The following CTR9 variants were observed in gnomAD, a reference collection of about 807,000 sequenced individuals.
CTR9 encodes CTR9 component of Paf1/RNA polymerase II complex, also known as RNA polymerase-associated protein CTR9 homolog.
CTR9 carries 41 observed loss-of-function variants against 152.1 expected under a neutral mutation model. The ratio of observed to expected loss-of-function variants is 0.27; its 90% CI spans 0.21 to 0.35. The LOEUF (loss-of-function observed/expected upper bound fraction) is 0.35. Ranked by LOEUF, CTR9 falls within the 10% of genes least tolerant of loss-of-function variation. The probability of loss-of-function intolerance (pLI) is 1.00; values close to 1 mark genes in which losing one functional copy is unlikely to be tolerated. For missense variants in CTR9, 917 were observed against 1,424.4 expected (o/e 0.64, Z 5.73); for synonymous variants, 476 against 496.2 (o/e 0.96, Z 0.54).
chr11:10,758,155 T>G (rs1449276585), intron 5 of CTR9, among the ~76,000 whole-genome samples: 1 of 152,124 alleles, frequency 6.6e-6, no homozygotes, highest in Non-Finnish European at 1.5e-5. Flanking sequence ...GCATCACAGA[T>G]TATTGTAAGG....
intron 16 of CTR9, among the ~76,000 whole-genome samples, 178 bp from the exon 17 acceptor site, chr11:10,770,032 T>C (rs1863118915): frequency 6.6e-6 from 1 of 152,250 alleles, no homozygotes; most frequent in Admixed American, 6.5e-5. Flanking sequence ...TTTTATGTTG[T>C]GAAAATGTAT....
chr11:10,778,624 C>T (rs558504248), intron 24 of CTR9, 55 bp from the exon 25 acceptor site: 16 of 1,535,832 alleles, frequency 1.0e-5, no homozygotes, highest in Non-Finnish European at 1.4e-5. Context: ...GTCTGCTCAT[C>T]AAGGCCCCAG....
Position 10,779,330 on chromosome 11 carries a change from C to T in CTR9, c.*225C>T. 2.1e-6 allele frequency: 1 copy of T among 482,788 alleles called. No individual in the cohort carries two copies. The highest frequency in any genetic ancestry group is 2.9e-5 in the South Asian group (1 of 34,142). 29.9% of individuals were successfully genotyped at this position (482,788 alleles called of 1,614,324 possible). On this transcript the variant is annotated 3_prime_UTR_variant, in exon 25 of 25. Transcript: ENST00000361367. The stretch of plus-strand genomic sequence containing the variant: ...GACTATTCTTTGTGGTACAATTCCA[C>T]CTATCATATGTGAAAACTGCAGTAA...
chr11:10,757,039 G>A (rs1368893227), intron 5 of CTR9, among the ~76,000 whole-genome samples: 1 of 152,160 alleles, frequency 6.6e-6, no homozygotes, highest in Non-Finnish European at 1.5e-5. Flanking sequence ...AATAATCCCA[G>A]CACTTTGGTA....
chr11:10,754,937 A>G (rs752896174), intron 2 of CTR9, 21 bp from the exon 3 acceptor site: 49 of 1,605,598 alleles, frequency 3.1e-5, no homozygotes, highest in Non-Finnish European at 1.8e-5. Flanking sequence ...AGTGATTCTA[A>G]TTTGTTTCAT....
intron 20 of CTR9, 147 bp from the exon 21 acceptor site, chr11:10,772,980 T>C: frequency 8.8e-6 from 8 of 905,254 alleles, no homozygotes; most frequent in Non-Finnish European, 1.3e-5. Flanking sequence ...TGAGCCGAGA[T>C]TGCACCACTG....
At chr11:10,761,801 A>G (rs1862982775) in intron 6 of CTR9, 146 bp from the exon 7 acceptor site, 6 of 500,444 alleles carry the variant, frequency 1.2e-5, no homozygotes. Flanking sequence ...TGCAATATAG[A>G]TATTTAAAAT....
rs1862954471 is a variant in CTR9, at chr11:10,760,196, C to T, written c.616C>T (p.His206Tyr). Residue 206 changes from histidine (H) to tyrosine (Y), a missense_variant, in exon 6 of 25, where the codon CAT (histidine) becomes TAT (tyrosine). Around this residue, in one of 9 missense-constraint regions of CTR9, gnomAD observed 110 missense variants for 149.5 expected, o/e 0.74. Transcript: ENST00000361367. The part of the protein sequence containing the change: ...CPAEVRLGMG[H>Y]CFVKLNKLEK... ...AGCGGAAGTTCGTTTAGGAATGGGT[C>T]ATTGCTTTGTGAAACTTAACAAACT... is the stretch of plus-strand genomic sequence containing the variant. 2 of 1,613,894 alleles carry T rather than the reference C, an allele frequency of 1.2e-6. No homozygotes were observed. Among genetic ancestry groups the T allele is most frequent in the Admixed American group, 1.7e-5 (1 of 59,990 alleles).
chr11:10,763,835 C>T lies in CTR9; in HGVS notation c.1150C>T (p.Leu384Phe), dbSNP rs1051614622. 6.2e-7 allele frequency: 1 copy of T among 1,613,444 alleles called. No homozygotes were observed. The highest frequency in any genetic ancestry group is 8.5e-7 in the Non-Finnish European group (1 of 1,179,892). ...CGAAACTATGAAAATTCTCGGCTCT[C>T]TCTATGCTGCCTCAGAAGATCAAGA... is the stretch of plus-strand genomic sequence containing the variant. The part of the protein sequence containing the change: ...NYETMKILGS[L>F]YAASEDQEKR... Residue 384 changes from leucine to phenylalanine, a missense_variant, in exon 9 of 25, where the codon CTC (leucine) becomes TTC (phenylalanine). Leu to Phe is a conservative substitution (Grantham distance 22). Coordinates refer to ENST00000361367, the MANE Select transcript of CTR9 (RefSeq NM_014633.5).
At position 10,767,688 on chromosome 11, in the gene CTR9, A is replaced by G; in HGVS notation, c.1687-118A>G. On this transcript the variant is annotated intron_variant, in intron 13 of 24. Transcript: ENST00000361367. The surrounding 1 kb of genome is among the most constrained non-coding windows in gnomAD (Gnocchi z 4.0). Reference sequence around the variant, plus strand: ...AAAAAAAGAAAGAAAGAAAAGAAAGAAAACCACTGTTGTAATATAGTTTGT... The same window carrying G: ...AAAAAAAGAAAGAAAGAAAAGAAAGGAAACCACTGTTGTAATATAGTTTGT... 1.2e-6 allele frequency: 1 copy of G among 868,668 alleles called. No homozygotes were observed. 53.8% of individuals were successfully genotyped at this position (868,668 alleles called of 1,614,324 possible). A position where few individuals can be genotyped will look rare whatever the true frequency, so the allele number is the denominator to read the frequency against.
chr11:10,753,644 AT>A (rs1491304742), intron 2 of CTR9, among the ~76,000 whole-genome samples: 2 of 149,484 alleles, frequency 1.3e-5, no homozygotes, highest in Admixed American at 1.3e-4. Flanking sequence ...TGTCACACAC[AT>A]TTTTTTTAAA....
chr11:10,775,742 T>C (rs967508541), intron 24 of CTR9, 109 bp downstream of exon 24: 2 of 664,218 alleles, frequency 3.0e-6, no homozygotes. Flanking sequence ...TCTTTTTCTT[T>C]ATAAATAATA....
Position 10,767,664 on chromosome 11 carries a change from AAAAAAG to A in CTR9, c.1687-138_1687-133del. 7.6e-6 allele frequency: 6 copies of A among 790,518 alleles called. No homozygotes were observed. Among genetic ancestry groups the A allele is most frequent in the South Asian group, 3.8e-5 (2 of 52,482 alleles). 49.0% of individuals were successfully genotyped at this position (790,518 alleles called of 1,614,324 possible). On this transcript the variant is annotated intron_variant, in intron 13 of 24. Transcript: ENST00000361367. This position sits in a 1 kb window ranked among gnomAD's most constrained non-coding sequence, Gnocchi z 4.0. ...ATAAATTTGGATTGCCATGCAAAAAAAAAAAGAAAGAAAGAAAAGAAAGAAAACCAC... is the reference window on the plus strand; with the variant it reads ...ATAAATTTGGATTGCCATGCAAAAAAAAAGAAAGAAAAGAAAGAAAACCAC...
rs115367539 is a variant in CTR9, at chr11:10,778,238, C to A, written c.3096-441C>A. ...TAGGACAGGGAAATGTCCTTTGAAACCCTTTTCTGCCTTTGGAAAAGGGTT... is the reference window on the plus strand; with the variant it reads ...TAGGACAGGGAAATGTCCTTTGAAAACCTTTTCTGCCTTTGGAAAAGGGTT... On this transcript the variant is annotated intron_variant, in intron 24 of 24. Transcript: ENST00000361367. 9.0e-3 allele frequency among the ~76,000 whole-genome samples: 1,378 copies of A among 152,302 alleles called. 23 individuals carry two copies. Among genetic ancestry groups the A allele is most frequent in the African/African-American group, 0.032 (1,312 of 41,548 alleles).
rs376483049 is a variant in CTR9 at position 10,754,954 on chromosome 11, A to G, written c.145-4A>G. On this transcript the variant is annotated splice_region_variant and splice_polypyrimidine_tract_variant and intron_variant, in intron 2 of 24. Coordinates refer to ENST00000361367, the MANE Select transcript of CTR9 (RefSeq NM_014633.5). ...TGATTCTAATTTGTTTCATTACCTTATAGCTGGAATACTACAAGCAAGGAA... is the reference window on the plus strand; with the variant it reads ...TGATTCTAATTTGTTTCATTACCTTGTAGCTGGAATACTACAAGCAAGGAA... 4 of 1,612,584 alleles carry G rather than the reference A, an allele frequency of 2.5e-6. No homozygotes were observed. Among genetic ancestry groups the G allele is most frequent in the Non-Finnish European group, 3.4e-6 (4 of 1,179,494 alleles).
chr11:10,776,764 G>A (rs1863241584), intron 24 of CTR9, among the ~76,000 whole-genome samples: 1 of 152,050 alleles, frequency 6.6e-6, no homozygotes, highest in Admixed American at 6.6e-5. Context: ...CTTGAGGCCA[G>A]GAGTTTGAGA....
chr11:10,764,499 A>G, intron 11 of CTR9, 49 bp from the exon 12 acceptor site: 1 of 1,603,974 alleles, frequency 6.2e-7, no homozygotes, highest in Non-Finnish European at 8.5e-7. Context: ...ACCTTTTTAA[A>G]AAGTGTATAA....
At chr11:10,751,522 C>T in intron 1 of CTR9, 65 bp downstream of exon 1, 1 of 1,510,662 alleles carries the variant, frequency 6.6e-7, no homozygotes. Flanking sequence ...ACCGACTTCG[C>T]TCGACTTCGT....
At chr11:10,759,649 G>T (rs12418188) in intron 5 of CTR9, among the ~76,000 whole-genome samples, 1 of 152,160 alleles carries the variant, frequency 6.6e-6, no homozygotes, top group Non-Finnish European at 1.5e-5. Context: ...GAAAAAATAG[G>T]GGAGGGTTGC....
Sources: allele counts gnomAD v4.1 joint callset (sites outside exome capture counted in the v4.1 genomes callset), GRCh38; gene constraint gnomAD v4.1.1; regional missense constraint gnomAD v4.1.1; non-coding constraint Gnocchi (gnomAD v3.1); transcripts MANE v1.5; gene names NCBI Gene and HGNC (gene_info 2026-07-23, HGNC 2026-07-21).